The following GRIP1 variants were observed in gnomAD, a reference collection of about 807,000 sequenced individuals.
GRIP1 encodes glutamate receptor-interacting protein 1.
GRIP1 carries 45 observed loss-of-function variants against 129.9 expected under a neutral mutation model. The observed-to-expected ratio is 0.35, with a 90% CI of 0.27 to 0.44. GRIP1 has a LOEUF of 0.44. Ranked by LOEUF, GRIP1 falls within the 20% of genes least tolerant of loss-of-function variation. The probability of loss-of-function intolerance (pLI) is 1.00; values close to 1 mark genes in which losing one functional copy is unlikely to be tolerated. For synonymous variants in GRIP1, 530 were observed against 520.8 expected (o/e 1.02, Z -0.24); for missense variants, 1,196 against 1,396.8 (o/e 0.86, Z 2.29).
At chr12:66,554,673 G>A (rs931204169) in intron 2 of GRIP1, among the ~76,000 whole-genome samples, 5 of 152,256 alleles carry the variant, frequency 3.3e-5, no homozygotes, top group Middle Eastern at 3.4e-3. Flanking sequence ...TGCCCTGAAG[G>A]GAGAATCCTG....
chr12:66,760,315 C>A (rs1378946796), intron 1 of GRIP1, among the ~76,000 whole-genome samples: 1 of 152,058 alleles, frequency 6.6e-6, no homozygotes, highest in Non-Finnish European at 1.5e-5. Context: ...TTTCAGCAAC[C>A]CCCTACTCCT....
At chr12:66,521,663 TGGGTGCAGC>T (rs2061008552) in intron 5 of GRIP1, among the ~76,000 whole-genome samples, 1 of 152,152 alleles carries the variant, frequency 6.6e-6, no homozygotes, top group African/African-American at 2.4e-5. Context: ...TGCAGGACAG[TGGGTGCAGC>T]GCACCGGGCG....
chr12:66,392,231 T>C (rs2056615887), intron 19 of GRIP1, 77 bp downstream of exon 19: 1 of 870,986 alleles, frequency 1.1e-6, no homozygotes, highest in African/African-American at 1.6e-5. Flanking sequence ...ATTCTCCTCA[T>C]GGAGCAGAGG....
At chr12:66,569,589 C>A (rs778549788) in intron 2 of GRIP1, among the ~76,000 whole-genome samples, 90 of 152,166 alleles carry the variant, frequency 5.9e-4, no homozygotes, top group Non-Finnish European at 1.2e-3. Flanking sequence ...GACATCTGAG[C>A]CCATAGCCTG....
chr12:67,018,400 G>C (rs1007914235), intron 1 of GRIP1, among the ~76,000 whole-genome samples: 2 of 152,146 alleles, frequency 1.3e-5, no homozygotes, highest in Non-Finnish European at 2.9e-5. Context: ...TTAGCAATCT[G>C]TTAGCCATTT....
intron 1 of GRIP1, among the ~76,000 whole-genome samples, chr12:66,663,488 T>C (rs1278510014): frequency 6.6e-6 from 1 of 152,206 alleles, no homozygotes; most frequent in Non-Finnish European, 1.5e-5. Context: ...CTCTTTTTGC[T>C]TCATGGCACA....
chr12:66,361,223 G>C (rs2054744862), intron 23 of GRIP1, among the ~76,000 whole-genome samples: 1 of 152,178 alleles, frequency 6.6e-6, no homozygotes, highest in South Asian at 2.1e-4. Flanking sequence ...CTGCCTTCCT[G>C]TCTGGGGAGT....
At chr12:66,807,324 T>G (rs938231862), upstream of GRIP1, among the ~76,000 whole-genome samples, 1 of 152,128 alleles carries the variant, frequency 6.6e-6, no homozygotes, top group Admixed American at 6.5e-5. Context: ...TACCATCCCC[T>G]TGGTACTATT....
chr12:66,945,979 T>A (rs184224850), intron 1 of GRIP1, among the ~76,000 whole-genome samples: 13 of 152,308 alleles, frequency 8.5e-5, no homozygotes, highest in African/African-American at 3.1e-4. Context: ...AAGGCCCAGA[T>A]GCCCAATTCC....
chr12:66,515,789 C>T, intron 6 of GRIP1, 25 bp from the exon 7 acceptor site: 1 of 1,608,496 alleles, frequency 6.2e-7, no homozygotes, highest in Non-Finnish European at 8.5e-7. Flanking sequence ...AAGGAATAGT[C>T]TTGATTAATT....
At chr12:66,372,675 C>T (rs945342215) in intron 22 of GRIP1, among the ~76,000 whole-genome samples, 1 of 151,538 alleles carries the variant, frequency 6.6e-6, no homozygotes, top group South Asian at 2.1e-4. Context: ...GAAGTTTGTT[C>T]GGTTTCAAAT....
intron 1 of GRIP1, among the ~76,000 whole-genome samples, chr12:66,666,027 C>T (rs10878490): frequency 0.028 from 4,273 of 152,106 alleles, 108 homozygotes; most frequent in Non-Finnish European, 0.043. Context: ...AGTTAACAGC[C>T]CTATACTTCC....
chr12:66,936,516 T>C (rs952503689), intron 1 of GRIP1, among the ~76,000 whole-genome samples: 2 of 152,130 alleles, frequency 1.3e-5, no homozygotes, highest in African/African-American at 4.8e-5. Context: ...GTCTCTTCAT[T>C]TTATTGGTTC....
At chr12:66,582,058 T>C (rs2063408218) in intron 2 of GRIP1, among the ~76,000 whole-genome samples, 1 of 152,176 alleles carries the variant, frequency 6.6e-6, no homozygotes, top group Admixed American at 6.5e-5. Flanking sequence ...TTATCCACCA[T>C]GATCAAGTGG....
At chr12:66,766,862 G>C (rs996439282) in intron 1 of GRIP1, among the ~76,000 whole-genome samples, 1 of 152,182 alleles carries the variant, frequency 6.6e-6, no homozygotes, top group Non-Finnish European at 1.5e-5. Flanking sequence ...GTGAAGTGTT[G>C]AGTAAAAGCT....
intron 7 of GRIP1, among the ~76,000 whole-genome samples, chr12:66,469,638 C>T (rs185780702): frequency 1.5e-3 from 234 of 151,906 alleles, no homozygotes; most frequent in Middle Eastern, 0.01. Flanking sequence ...TCTAACTAAC[C>T]AGAAAAAAAA....
chr12:66,379,539 C>T, intron 19 of GRIP1, 103 bp from the exon 20 acceptor site: 7 of 1,113,040 alleles, frequency 6.3e-6, no homozygotes, highest in Non-Finnish European at 9.6e-6. Context: ...ACGGCAATGA[C>T]AATAACAATA....
intron 1 of GRIP1, among the ~76,000 whole-genome samples, chr12:66,622,232 C>A (rs2065299555): frequency 6.6e-6 from 1 of 151,978 alleles, no homozygotes; most frequent in Non-Finnish European, 1.5e-5. Context: ...AGTTATGCTA[C>A]AAGTCACTTT....
chr12:66,502,152 G>C (rs960946682), intron 7 of GRIP1, among the ~76,000 whole-genome samples: 1 of 152,162 alleles, frequency 6.6e-6, no homozygotes, highest in Non-Finnish European at 1.5e-5. Flanking sequence ...AGACAGAATA[G>C]TGGAGCTGGA....
Sources: gnomAD v4.1 joint callset for allele counts (sites outside exome capture counted in the v4.1 genomes callset) on GRCh38, gnomAD v4.1.1 for gene constraint, MANE v1.5 for transcripts, NCBI Gene and HGNC (gene_info 2026-07-23, HGNC 2026-07-21) for gene names.